MRM3: variants seen among roughly 807,000 people sequenced by gnomAD.
The protein encoded by MRM3 is mitochondrial rRNA methyltransferase 3, also known as rRNA methyltransferase 3, mitochondrial.
MRM3 carries 26 observed loss-of-function variants against 29.4 expected under a neutral mutation model. The ratio of observed to expected loss-of-function variants is 0.89; its 90% CI spans 0.65 to 1.23. The LOEUF (loss-of-function observed/expected upper bound fraction) is 1.23, where lower values mean the gene tolerates loss of function less well. Among genes scored for constraint, MRM3 ranks in the 50% most tolerant of loss-of-function variants. The pLI is 0.00. For missense variants in MRM3, 578 were observed against 540.2 expected (o/e 1.07, Z -0.69); for synonymous variants, 225 against 219.0 (o/e 1.03, Z -0.24).
At chr17:783,054 CTGTTT>C in intron 1 of MRM3, 24 bp from the exon 2 acceptor site, 1 of 1,512,368 alleles carries the variant, frequency 6.6e-7, no homozygotes, top group Non-Finnish European at 8.8e-7. Context: ...TGATAGTTAC[CTGTTT>C]TTTTTTTTTA....
rs775327680 is a variant in MRM3, at chr17:783,198, T to C, written c.430T>C (p.Phe144Leu). ...ALKAGAVPKMFFFSRLEYLKE... is the reference protein window; with the variant it reads ...ALKAGAVPKMLFFSRLEYLKE... ...CAAGGCTGGAGCTGTGCCAAAAATG[T>C]TCTTCTTTAGCCGTCTAGAATACCT... Residue 144 changes from phenylalanine to leucine, a missense_variant, in exon 2 of 4, where the codon TTC becomes CTC. By Grantham distance (22) the Phe-to-Leu change is conservative. Transcript: ENST00000304478. The C allele has an allele frequency of 2.5e-6, 4 of 1,614,022 alleles. No individual in the cohort carries two copies. The African/African-American group carries it at 4.0e-5, about 16-fold the overall frequency.
chr17:789,297 C>T (rs1440012213), intron 3 of MRM3, among the ~76,000 whole-genome samples: 2 of 152,204 alleles, frequency 1.3e-5, no homozygotes, highest in African/African-American at 4.8e-5. Flanking sequence ...GTCTTGACTT[C>T]TGAATCCTAT....
At chr17:791,102 A>G (rs1327696210) in intron 3 of MRM3, among the ~76,000 whole-genome samples, 1 of 151,974 alleles carries the variant, frequency 6.6e-6, no homozygotes, top group East Asian at 1.9e-4. Context: ...CTGGGCCTTT[A>G]TCTCAGTGTG....
intron 1 of MRM3, 149 bp downstream of exon 1, chr17:782,841 T>G: frequency 1.0e-6 from 1 of 964,102 alleles, no homozygotes; most frequent in Non-Finnish European, 1.5e-6. Flanking sequence ...GTCTTTGGAA[T>G]TAGCTTCTGT....
chr17:788,863 T>C (rs566424332), intron 3 of MRM3, among the ~76,000 whole-genome samples: 1 of 152,352 alleles, frequency 6.6e-6, no homozygotes, highest in South Asian at 2.1e-4. Context: ...AGCTTCCTCG[T>C]TGGTGAACTG....
chr17:791,825 A>C lies in MRM3; in HGVS notation c.1019A>C (p.Gln340Pro). The C allele has an allele frequency of 1.9e-6, 3 of 1,614,214 alleles. No individual in the cohort carries two copies. The highest frequency in any genetic ancestry group is 2.5e-6 in the Non-Finnish European group (3 of 1,180,050). ...SQDWLPHVEVQSYDSDWTEAP... is the reference protein window; with the variant it reads ...SQDWLPHVEVPSYDSDWTEAP... ...GATTGGCTGCCTCATGTTGAGGTTC[A>C]GAGTTACGACTCGGACTGGACAGAG... The change falls in exon 4 of 4, where the codon CAG (glutamine) becomes CCG (proline). Residue 340 changes from glutamine to proline, a missense_variant. Coordinates refer to ENST00000304478, the MANE Select transcript of MRM3 (RefSeq NM_018146.4).
Position 792,030 on chromosome 17 carries a change from G to A in MRM3, c.1224G>A (p.Gly408=). ...TCGAAGGGAAAAGACAGCTGCGGGG[G>A]AGGGCGGAGGACTTGAGCAGGGACA... ...LLFEGKRQLR[G]RAEDLSRDRS... Residue 408 remains glycine (G), a synonymous_variant, in exon 4 of 4, where the codon GGG becomes GGA. Coordinates refer to ENST00000304478, the MANE Select transcript of MRM3 (RefSeq NM_018146.4). 1 of 1,612,488 alleles carries A rather than the reference G, an allele frequency of 6.2e-7. No homozygotes were observed. Among genetic ancestry groups the A allele is most frequent in the Non-Finnish European group, 8.5e-7 (1 of 1,179,340 alleles).
chr17:791,947 C>T lies in MRM3; in HGVS notation c.1141C>T (p.Pro381Ser), dbSNP rs1389707016. Residue 381 changes from proline (P) to serine (S), a missense_variant, in exon 4 of 4, where the codon CCC becomes TCC. Pro to Ser is a moderately conservative substitution (Grantham distance 74, BLOSUM62 -1). Coordinates refer to ENST00000304478, the MANE Select transcript of MRM3 (RefSeq NM_018146.4). ...CACTGGTGGCAAGAGGCTGCTGATC[C>T]CCGTTGTGCCTGGTGTGGACAGCCT... ...ESTGGKRLLI[P>S]VVPGVDSLNS... The T allele has an allele frequency of 6.2e-7, 1 of 1,614,062 alleles. No homozygotes were observed. The highest frequency in any genetic ancestry group is 1.7e-5 in the Admixed American group (1 of 60,028).
intron 2 of MRM3, among the ~76,000 whole-genome samples, chr17:786,138 T>C (rs1910521514): frequency 6.6e-6 from 1 of 152,258 alleles, no homozygotes; most frequent in Non-Finnish European, 1.5e-5. Flanking sequence ...AGTGTCTCTG[T>C]TGCCCAGGCC....
At position 792,039 on chromosome 17, in the gene MRM3, G is replaced by A; in HGVS notation, c.1233G>A (p.Glu411=). 3 of 1,611,138 alleles carry A rather than the reference G, an allele frequency of 1.9e-6. No homozygotes were observed. The highest frequency in any genetic ancestry group is 2.5e-6 in the Non-Finnish European group (3 of 1,178,606). Residue 411 remains glutamate, a synonymous_variant, in exon 4 of 4, where the codon GAG becomes GAA. Transcript: ENST00000304478. The stretch of plus-strand genomic sequence containing the variant: ...AAAGACAGCTGCGGGGGAGGGCGGA[G>A]GACTTGAGCAGGGACAGGAGTTACC... ...EGKRQLRGRA[E]DLSRDRSYH
chr17:782,837 G>A lies in MRM3; in HGVS notation c.314+145G>A, dbSNP rs181322225. 240 of 975,124 alleles carry A rather than the reference G, an allele frequency of 2.5e-4. No individual in the cohort carries two copies. In the African/African-American group the frequency reaches 3.5e-3, roughly 14 times the overall value. 60.4% of individuals were successfully genotyped at this position (975,124 alleles called of 1,614,324 possible). A position where few individuals can be genotyped will look rare whatever the true frequency, so the allele number is the denominator to read the frequency against. On this transcript the variant is annotated intron_variant, in intron 1 of 3. Transcript: ENST00000304478. ...CACAGAGGGCCGAATAAGCGTCTTTGGAATTAGCTTCTGTTTCTCCTTAGC... is the reference window on the plus strand; with the variant it reads ...CACAGAGGGCCGAATAAGCGTCTTTAGAATTAGCTTCTGTTTCTCCTTAGC...
Position 788,130 on chromosome 17 carries a change from A to G in MRM3, c.725A>G (p.Lys242Arg). 6.2e-7 allele frequency: 1 copy of G among 1,614,098 alleles called. No homozygotes were observed. Among genetic ancestry groups the G allele is most frequent in the Non-Finnish European group, 8.5e-7 (1 of 1,179,994 alleles). ...GAGCSKVLLT[K>R]GCVDAWEPKV... ...GGCTGCAGCAAAGTGTTACTCACCA[A>G]AGGTAAGGACATCAAAGGCCAGGCA... Residue 242 changes from lysine (K) to arginine (R), a missense_variant and splice_region_variant, in exon 3 of 4, where the codon AAA becomes AGA. Coordinates refer to ENST00000304478, the MANE Select transcript of MRM3 (RefSeq NM_018146.4).
rs772948902 is a variant in MRM3 at position 792,115 on chromosome 17, A to C, written c.*46A>C. On this transcript the variant is annotated 3_prime_UTR_variant, in exon 4 of 4. Coordinates refer to ENST00000304478, the MANE Select transcript of MRM3 (RefSeq NM_018146.4). ...CTTGAGGACGTCTGCAGCTCCTCCT[A>C]CACCAGCACACTGGTGGGAGGCTGG... 5.5e-5 allele frequency: 84 copies of C among 1,528,994 alleles called. No homozygotes were observed. The highest frequency in any genetic ancestry group is 7.4e-5 in the Non-Finnish European group (84 of 1,134,068). The allele number at this position is 1,528,994 out of a possible 1,614,324, so 94.7% of individuals were successfully genotyped here. A position where few individuals can be genotyped will look rare whatever the true frequency, so the allele number is the denominator to read the frequency against.
chr17:791,649 C>T lies in MRM3; in HGVS notation c.843C>T (p.Asp281=). Residue 281 remains aspartate, a synonymous_variant, in exon 4 of 4, where the codon GAC becomes GAT. Transcript: ENST00000304478. ...CCGTGCCCAATTACCTGCCCCCTGA[C>T]ACTCGGGTCTATGTGGCTGACAACT... ...WETVPNYLPP[D]TRVYVADNCG... 6.2e-7 allele frequency: 1 copy of T among 1,614,216 alleles called. No homozygotes were observed. Among genetic ancestry groups the T allele is most frequent in the Non-Finnish European group, 8.5e-7 (1 of 1,180,046 alleles).
rs149715116 is a variant in MRM3 at position 791,679 on chromosome 17, C to A, written c.873C>A (p.Gly291=). 5.6e-6 allele frequency: 9 copies of A among 1,614,066 alleles called. No homozygotes were observed. In the African/African-American group the frequency reaches 1.2e-4, roughly 22 times the overall value. ...GGGTCTATGTGGCTGACAACTGTGG[C>A]CTTTATGCCCAGGCTGAGATGTCTA... ...DTRVYVADNC[G]LYAQAEMSNK... The change falls in exon 4 of 4, where the codon GGC becomes GGA. Residue 291 remains glycine, a synonymous_variant. Coordinates refer to ENST00000304478, the MANE Select transcript of MRM3 (RefSeq NM_018146.4).
In MRM3 at chr17:782,572, CCA is replaced by C; in HGVS notation, c.195_196del (p.Ser66CysfsTer30). On this transcript the variant is annotated frameshift_variant, in exon 1 of 4. Coordinates refer to ENST00000304478, the MANE Select transcript of MRM3 (RefSeq NM_018146.4). LOFTEE classifies it high-confidence loss of function. Reference sequence around the variant, plus strand: ...CAGCCCCGCAAGGCACCATCTGAGGCCAGTGCCCAGGAGCAACGAGAGAAACA... The same window carrying C: ...CAGCCCCGCAAGGCACCATCTGAGGCGTGCCCAGGAGCAACGAGAGAAACA... The C allele has an allele frequency of 1.2e-6, 2 of 1,614,084 alleles. No homozygotes were observed. Among genetic ancestry groups the C allele is most frequent in the Non-Finnish European group, 8.5e-7 (1 of 1,180,000 alleles).
intron 1 of MRM3, 74 bp downstream of exon 1, chr17:782,766 C>A: frequency 7.0e-7 from 1 of 1,433,980 alleles, no homozygotes; most frequent in South Asian, 1.4e-5. Context: ...AACCTCCTTC[C>A]GATGGAGGAC....
intron 2 of MRM3, among the ~76,000 whole-genome samples, chr17:784,124 T>C (rs1317711175): frequency 6.6e-6 from 1 of 152,246 alleles, no homozygotes; most frequent in African/African-American, 2.4e-5. Flanking sequence ...GTAACTCCGA[T>C]GTTGATTAGC....
Position 782,360 on chromosome 17 carries a change from A to G in MRM3, c.-19A>G. On this transcript the variant is annotated 5_prime_UTR_variant, in exon 1 of 4. Transcript: ENST00000304478. ...CGCCGACGGCGCGCTTTCGTGACGC[A>G]GCCCGGGTCTCAGGGAACATGGCGG... is the stretch of plus-strand genomic sequence containing the variant. 1 of 1,613,236 alleles carries G rather than the reference A, an allele frequency of 6.2e-7. No individual in the cohort carries two copies. The highest frequency in any genetic ancestry group is 8.5e-7 in the Non-Finnish European group (1 of 1,179,644).
Sources: allele counts gnomAD v4.1 joint callset (sites outside exome capture counted in the v4.1 genomes callset), GRCh38; gene constraint gnomAD v4.1.1; transcripts MANE v1.5; gene names NCBI Gene and HGNC (gene_info 2026-07-23, HGNC 2026-07-21).